The following DEFB1 variants were observed in gnomAD, a reference collection of about 807,000 sequenced individuals.
DEFB1 encodes defensin beta 1.
Under a neutral mutation model 2.6 loss-of-function variants are expected in DEFB1, and 4 were observed. The ratio of observed to expected loss-of-function variants is 1.53; its 90% CI spans 0.76 to 3.51. The LOEUF is 3.51. Ranked by LOEUF, DEFB1 falls within the 30% of genes most tolerant of loss-of-function variation. The pLI, the probability that DEFB1 is intolerant of heterozygous loss-of-function variation, is 0.01. For missense variants in DEFB1, 162 were observed against 76.9 expected (o/e 2.11, Z -4.14); for synonymous variants, 56 against 28.5 (o/e 1.96, Z -3.07).
At chr8:6,875,316 A>G (rs1433419755) in intron 1 of DEFB1, among the ~76,000 whole-genome samples, 1 of 152,204 alleles carries the variant, frequency 6.6e-6, no homozygotes, top group Non-Finnish European at 1.5e-5. Context: ...GAAAGTTTCC[A>G]TTAAGAGAGT....
intron 1 of DEFB1, among the ~76,000 whole-genome samples, chr8:6,877,089 A>G (rs887148970): frequency 2.6e-5 from 4 of 152,176 alleles, no homozygotes; most frequent in South Asian, 4.1e-4. Context: ...CTGCAGATGA[A>G]TAAACCAAGG....
rs1799947 is a variant in DEFB1, at chr8:6,870,675, C to T, written c.*6G>A. 2.1e-4 allele frequency: 331 copies of T among 1,612,844 alleles called. 1 individual carries two copies. The African/African-American group carries it at 3.2e-3, about 16-fold the overall frequency. On this transcript the variant is annotated 3_prime_UTR_variant, in exon 2 of 2. Coordinates refer to ENST00000297439, the MANE Select transcript of DEFB1 (RefSeq NM_005218.4). ...TTCTGCGTCATTTCTTCTGGTCACT[C>T]CCAGCTCACTTGCAGCACTTGGCCT...
At chr8:6,875,450 A>G (rs1806487992) in intron 1 of DEFB1, among the ~76,000 whole-genome samples, 1 of 152,216 alleles carries the variant, frequency 6.6e-6, no homozygotes, top group African/African-American at 2.4e-5. Flanking sequence ...AAAAGAAAAC[A>G]TGGACAAAAG....
chr8:6,871,819 G>T (rs750297001), intron 1 of DEFB1, among the ~76,000 whole-genome samples: 61 of 152,128 alleles, frequency 4.0e-4, no homozygotes, highest in Non-Finnish European at 8.5e-4. Flanking sequence ...CACCTTGATC[G>T]CAGACTTCCT....
intron 1 of DEFB1, 80 bp from the exon 2 acceptor site, chr8:6,870,906 A>T (rs766614195): frequency 1.2e-4 from 176 of 1,442,912 alleles, no homozygotes; most frequent in Middle Eastern, 6.9e-4. Flanking sequence ...AAAGCAGAAC[A>T]AATAACTGCA....
intron 1 of DEFB1, among the ~76,000 whole-genome samples, chr8:6,873,180 G>A (rs2117211276): frequency 6.6e-6 from 1 of 152,284 alleles, no homozygotes; most frequent in African/African-American, 2.4e-5. Context: ...CCTCTCCCCA[G>A]ATGAAGGAAC....
At chr8:6,874,612 G>C (rs985759267) in intron 1 of DEFB1, among the ~76,000 whole-genome samples, 1 of 152,212 alleles carries the variant, frequency 6.6e-6, no homozygotes, top group African/African-American at 2.4e-5. Flanking sequence ...TGTAGAAAGA[G>C]GCTCATGCAT....
intron 1 of DEFB1, among the ~76,000 whole-genome samples, chr8:6,872,135 AT>A (rs1472526687): frequency 6.6e-6 from 1 of 152,034 alleles, no homozygotes; most frequent in Non-Finnish European, 1.5e-5. Flanking sequence ...AAACCTCTTC[AT>A]TCTCCTGTGG....
intron 1 of DEFB1, among the ~76,000 whole-genome samples, chr8:6,874,842 T>G (rs1382838216): frequency 6.6e-6 from 1 of 151,766 alleles, no homozygotes; most frequent in Non-Finnish European, 1.5e-5. Context: ...ATTAGCCAGG[T>G]GTGGTGACAG....
At chr8:6,877,391 C>G (rs944158195) in intron 1 of DEFB1, among the ~76,000 whole-genome samples, 1 of 152,232 alleles carries the variant, frequency 6.6e-6, no homozygotes, top group African/African-American at 2.4e-5. Context: ...TCACCTGTAC[C>G]AGGGCACCCC....
In DEFB1 at chr8:6,877,793, T is replaced by C; in HGVS notation, c.61+4A>G. The C allele has an allele frequency of 6.2e-7, 1 of 1,613,336 alleles. No individual in the cohort carries two copies. Among genetic ancestry groups the C allele is most frequent in the Non-Finnish European group, 8.5e-7 (1 of 1,179,460 alleles). ...GGGAAACTCTTGCAGGTACCAGAGC[T>C]TACCTGAGGCCATCTCAGACAAAAG... On this transcript the variant is annotated splice_donor_region_variant and intron_variant, in intron 1 of 1. Coordinates refer to ENST00000297439, the MANE Select transcript of DEFB1 (RefSeq NM_005218.4).
intron 1 of DEFB1, among the ~76,000 whole-genome samples, chr8:6,875,013 G>C (rs1324198695): frequency 6.8e-6 from 1 of 147,558 alleles, no homozygotes; most frequent in Non-Finnish European, 1.5e-5. Flanking sequence ...TGGACAATCA[G>C]ATATTCATAT....
chr8:6,877,863 C>G lies in DEFB1; in HGVS notation c.-6G>C. 1 of 1,613,938 alleles carries G rather than the reference C, an allele frequency of 6.2e-7. No homozygotes were observed. The highest frequency in any genetic ancestry group is 8.5e-7 in the Non-Finnish European group (1 of 1,179,862). ...AGAAGGTAGGAAGTTCTCATGGCGACTGGCAGGCAACACCCAGGATTTCAG... is the reference window on the plus strand; with the variant it reads ...AGAAGGTAGGAAGTTCTCATGGCGAGTGGCAGGCAACACCCAGGATTTCAG... On this transcript the variant is annotated 5_prime_UTR_variant, in exon 1 of 2. Coordinates refer to ENST00000297439, the MANE Select transcript of DEFB1 (RefSeq NM_005218.4).
At chr8:6,876,879 G>A (rs150060481) in intron 1 of DEFB1, among the ~76,000 whole-genome samples, 7 of 148,546 alleles carry the variant, frequency 4.7e-5, no homozygotes, top group Non-Finnish European at 1.0e-4. Flanking sequence ...ATCCATTGTA[G>A]CAACTGGCAG....
At chr8:6,874,742 G>T (rs1264847110) in intron 1 of DEFB1, among the ~76,000 whole-genome samples, 1 of 152,202 alleles carries the variant, frequency 6.6e-6, no homozygotes, top group Admixed American at 6.5e-5. Flanking sequence ...AGCACTTTGT[G>T]AGGCAGAGGC....
At chr8:6,871,063 C>T (rs569176241) in intron 1 of DEFB1, among the ~76,000 whole-genome samples, 1 of 152,328 alleles carries the variant, frequency 6.6e-6, no homozygotes, top group Non-Finnish European at 1.5e-5. Flanking sequence ...CAGTGGGGTT[C>T]TGAGTGGGGT....
In DEFB1 at chr8:6,877,786, C is replaced by T; in HGVS notation, c.61+11G>A. The T allele has an allele frequency of 6.2e-7, 1 of 1,612,658 alleles. No homozygotes were observed. Among genetic ancestry groups the T allele is most frequent in the Non-Finnish European group, 8.5e-7 (1 of 1,178,812 alleles). ...TGGGGATGGGAAACTCTTGCAGGTA[C>T]CAGAGCTTACCTGAGGCCATCTCAG... On this transcript the variant is annotated intron_variant, in intron 1 of 1. Transcript: ENST00000297439.
chr8:6,873,387 T>C (rs1306698105), intron 1 of DEFB1, among the ~76,000 whole-genome samples: 1 of 152,204 alleles, frequency 6.6e-6, no homozygotes, highest in Non-Finnish European at 1.5e-5. Flanking sequence ...ACAAAAGGAA[T>C]TGCAGCAAAG....
At chr8:6,872,581 A>G (rs2977780) in intron 1 of DEFB1, among the ~76,000 whole-genome samples, 26,845 of 152,072 alleles carry the variant, frequency 0.18, 2,583 homozygotes, top group Admixed American at 0.24. Flanking sequence ...GGAGAATGAG[A>G]AAAGAAGAGT....
Sources: gnomAD v4.1 joint callset for allele counts (sites outside exome capture counted in the v4.1 genomes callset) on GRCh38, gnomAD v4.1.1 for gene constraint, MANE v1.5 for transcripts, NCBI Gene and HGNC (gene_info 2026-07-23, HGNC 2026-07-21) for gene names.